Variants in CACNA1C observed in about 807,000 individuals in gnomAD.
CACNA1C encodes voltage-dependent L-type calcium channel subunit alpha-1C.
CACNA1C carries 30 observed loss-of-function variants against 229.0 expected under a neutral mutation model. That is an observed-to-expected ratio of 0.13 (90% CI 0.10 to 0.18). The LOEUF (loss-of-function observed/expected upper bound fraction) is 0.18. CACNA1C is among the 10% of genes least tolerant of loss of function. The pLI is 1.00. For synonymous variants in CACNA1C, 1,114 were observed against 1,132.5 expected (o/e 0.98, Z 0.33); for missense variants, 1,658 against 2,845.0 (o/e 0.58, Z 9.49).
intron 1 of CACNA1C, among the ~76,000 whole-genome samples, chr12:2,057,673 C>T (rs534871753): frequency 6.6e-6 from 1 of 152,366 alleles, no homozygotes; most frequent in East Asian, 1.9e-4. Flanking sequence ...GTCGCAGGCT[C>T]TTCCCACAGA....
chr12:2,211,639 G>A (rs2097918213), intron 3 of CACNA1C, among the ~76,000 whole-genome samples: 1 of 151,870 alleles, frequency 6.6e-6, no homozygotes, highest in African/African-American at 2.4e-5. Flanking sequence ...GGCTTGGGGG[G>A]ACATGAGCAG....
chr12:2,524,258 C>T (rs958764810), intron 9 of CACNA1C, among the ~76,000 whole-genome samples: 17 of 152,214 alleles, frequency 1.1e-4, no homozygotes, highest in African/African-American at 3.1e-4. Context: ...CACATTAACA[C>T]ACATTTAAGT....
At chr12:2,526,801 G>T (rs113946184) in intron 9 of CACNA1C, among the ~76,000 whole-genome samples, 14 of 152,192 alleles carry the variant, frequency 9.2e-5, no homozygotes, top group Non-Finnish European at 1.6e-4. Flanking sequence ...ATAAAGAAAA[G>T]TGTAGCCATT....
At chr12:2,183,855 A>G (rs1183603117) in intron 3 of CACNA1C, among the ~76,000 whole-genome samples, 1 of 152,230 alleles carries the variant, frequency 6.6e-6, no homozygotes, top group Non-Finnish European at 1.5e-5. Context: ...GGTTCTTAAG[A>G]TACTTAGTTG....
intron 3 of CACNA1C, among the ~76,000 whole-genome samples, chr12:2,357,171 T>C (rs147919086): frequency 2.6e-5 from 4 of 152,344 alleles, no homozygotes; most frequent in East Asian, 1.9e-4. Flanking sequence ...CTTTCCAAGA[T>C]TGGATTTTCT....
rs78185506 is a variant in CACNA1C, at chr12:2,412,498, C to T, written c.478-36478C>T. Reference sequence around the variant, plus strand: ...TCCAGGAGCCCAGCAGTGAGACAGGCGCCCCCGCGGCCAGAGGCTCACACT... The same window carrying T: ...TCCAGGAGCCCAGCAGTGAGACAGGTGCCCCCGCGGCCAGAGGCTCACACT... On this transcript the variant is annotated intron_variant, in intron 3 of 46. Coordinates refer to ENST00000399655, the MANE Select transcript of CACNA1C (RefSeq NM_000719.7). Among the ~76,000 whole-genome samples, 643 of 152,284 alleles carry T rather than the reference C, an allele frequency of 4.2e-3. 18 individuals carry two copies. In the East Asian group the frequency reaches 0.099, roughly 23 times the overall value.
chr12:2,413,798 G>A (rs1234620095), intron 3 of CACNA1C, among the ~76,000 whole-genome samples: 2 of 152,136 alleles, frequency 1.3e-5, no homozygotes, highest in East Asian at 3.9e-4. Flanking sequence ...TAGGCCATTG[G>A]AACTCTTCTG....
In CACNA1C at chr12:2,664,814, C is replaced by A; in HGVS notation, c.4233-11C>A. ...ATGGGCTGCATGAACGTGGCTCTCC[C>A]TCCCCTCCAGGTGTGCCACCGGGGA... On this transcript the variant is annotated splice_polypyrimidine_tract_variant and intron_variant, in intron 34 of 46. Coordinates refer to ENST00000399655, the MANE Select transcript of CACNA1C (RefSeq NM_000719.7). 6.4e-7 allele frequency: 1 copy of A among 1,564,660 alleles called. No homozygotes were observed. Among genetic ancestry groups the A allele is most frequent in the Non-Finnish European group, 8.7e-7 (1 of 1,151,152 alleles).
At chr12:2,392,547 G>C (rs2098502991) in intron 3 of CACNA1C, among the ~76,000 whole-genome samples, 1 of 152,132 alleles carries the variant, frequency 6.6e-6, no homozygotes, top group Admixed American at 6.5e-5. Context: ...CGTTGTGTCT[G>C]GGCCCAAGCT....
Position 2,647,822 on chromosome 12 carries a change from T to C in CACNA1C, c.3913-653T>C, listed in dbSNP as rs1233288018. Among the ~76,000 whole-genome samples the C allele has an allele frequency of 6.6e-6, 1 of 151,888 alleles. No homozygotes were observed. Among genetic ancestry groups the C allele is most frequent in the Admixed American group, 6.6e-5 (1 of 15,258 alleles). On this transcript the variant is annotated intron_variant, in intron 30 of 46. Coordinates refer to ENST00000399655, the MANE Select transcript of CACNA1C (RefSeq NM_000719.7). This position sits in a 1 kb window ranked among gnomAD's most constrained non-coding sequence, Gnocchi z 4.2. Reference sequence around the variant, plus strand: ...GTCCTCATAGGTTAACAATGGCTAATAAAAAACAAATTAAAACAGGCTTGG... The same window carrying C: ...GTCCTCATAGGTTAACAATGGCTAACAAAAAACAAATTAAAACAGGCTTGG...
intron 18 of CACNA1C, among the ~76,000 whole-genome samples, chr12:2,590,651 A>G (rs2064838066): frequency 6.6e-6 from 1 of 152,200 alleles, no homozygotes; most frequent in South Asian, 2.1e-4. Flanking sequence ...GCTTCTCCCC[A>G]GGAATGGAGC....
chr12:2,004,122 C>T (rs2042828012), intron 1 of CACNA1C: 2 of 1,041,274 alleles, frequency 1.9e-6, no homozygotes, highest in African/African-American at 1.6e-5. Flanking sequence ...CCCAAACCCC[C>T]GAGACCCCAT....
chr12:2,423,513 C>T (rs575473595), intron 3 of CACNA1C, among the ~76,000 whole-genome samples: 8 of 152,122 alleles, frequency 5.3e-5, no homozygotes, highest in African/African-American at 1.4e-4. Context: ...TTAAATGAAA[C>T]GATTCATGCA....
chr12:2,072,544 T>C (rs202246391), intron 1 of CACNA1C, among the ~76,000 whole-genome samples: 2 of 152,168 alleles, frequency 1.3e-5, no homozygotes, highest in East Asian at 3.8e-4. Flanking sequence ...TTGCCTCCTA[T>C]TCATGGCACC....
At chr12:2,055,967 G>A (rs1483549991) in intron 1 of CACNA1C, among the ~76,000 whole-genome samples, 3 of 152,186 alleles carry the variant, frequency 2.0e-5, no homozygotes, top group African/African-American at 7.2e-5. Flanking sequence ...ATCACTAAAG[G>A]GGGCGGGTGA....
In CACNA1C at chr12:2,608,781, G is replaced by T; in HGVS notation, c.3558+69G>T. The T allele has an allele frequency of 6.6e-7, 1 of 1,503,770 alleles. No homozygotes were observed. The highest frequency in any genetic ancestry group is 9.2e-7 in the Non-Finnish European group (1 of 1,091,394). The allele number at this position is 1,503,770 out of a possible 1,614,324, so 93.2% of individuals were successfully genotyped here. A position where few individuals can be genotyped will look rare whatever the true frequency, so the allele number is the denominator to read the frequency against. On this transcript the variant is annotated intron_variant, in intron 27 of 46. Coordinates refer to ENST00000399655, the MANE Select transcript of CACNA1C (RefSeq NM_000719.7). The surrounding 1 kb of genome is among the most constrained non-coding windows in gnomAD (Gnocchi z 4.2). The stretch of plus-strand genomic sequence containing the variant: ...GGAATGGCAGCCTGCGGCCCACCCC[G>T]CAGAGGGGCTGCGACAGGGAGAGGC...
intron 1 of CACNA1C, among the ~76,000 whole-genome samples, chr12:2,082,800 A>G (rs998284606): frequency 3.9e-5 from 6 of 152,102 alleles, no homozygotes; most frequent in African/African-American, 1.4e-4. Context: ...CGTTCAAGGA[A>G]TTTTCATTCA....
intron 34 of CACNA1C, among the ~76,000 whole-genome samples, chr12:2,663,240 G>C (rs995577160): frequency 6.6e-6 from 1 of 152,038 alleles, no homozygotes; most frequent in Non-Finnish European, 1.5e-5. Context: ...ACTAACAAAG[G>C]GTTAAGAATA....
At chr12:2,160,689 A>T (rs928272425) in intron 3 of CACNA1C, among the ~76,000 whole-genome samples, 3 of 152,362 alleles carry the variant, frequency 2.0e-5, no homozygotes, top group Admixed American at 1.3e-4. Flanking sequence ...GCACTTCTTA[A>T]TATTTCAAAA....
Sources: gnomAD v4.1 joint callset for allele counts (sites outside exome capture counted in the v4.1 genomes callset) on GRCh38, gnomAD v4.1.1 for gene constraint, Gnocchi (gnomAD v3.1) non-coding constraint, MANE v1.5 for transcripts, NCBI Gene and HGNC (gene_info 2026-07-23, HGNC 2026-07-21) for gene names.